PIK3CB: variants seen among roughly 807,000 people sequenced by gnomAD.
The protein encoded by PIK3CB is phosphatidylinositol-4,5-bisphosphate 3-kinase catalytic subunit beta.
PIK3CB carries 39 observed loss-of-function variants against 136.8 expected under a neutral mutation model. That is an observed-to-expected ratio of 0.29 (90% CI 0.22 to 0.37). The LOEUF (loss-of-function observed/expected upper bound fraction) is 0.37. Among genes scored for constraint, PIK3CB ranks in the 10% least tolerant of loss-of-function variants. The pLI is 1.00. For synonymous variants in PIK3CB, 428 were observed against 436.6 expected, an observed-to-expected ratio of 0.98 and a Z score of 0.25; for missense variants, 868 against 1,275.4, an observed-to-expected ratio of 0.68 and a Z score of 4.87.
At chr3:138,663,820 A>C in intron 21 of PIK3CB, 86 bp downstream of exon 21, 1 of 1,352,818 alleles carries the variant, frequency 7.4e-7, no homozygotes, top group Non-Finnish European at 1.0e-6. Context: ...ATCACAAAAG[A>C]ATCTGGCTGA....
chr3:138,730,276 T>A (rs2044942052), intron 8 of PIK3CB, among the ~76,000 whole-genome samples: 1 of 152,104 alleles, frequency 6.6e-6, no homozygotes, highest in Admixed American at 6.5e-5. Context: ...TGGCAAAACA[T>A]ATGGACATAA....
chr3:138,678,373 T>A (rs1053560330), intron 19 of PIK3CB, among the ~76,000 whole-genome samples: 10 of 151,876 alleles, frequency 6.6e-5, no homozygotes, highest in African/African-American at 1.9e-4. Flanking sequence ...CTAAAAAAAA[T>A]TTTTTTAATA....
At chr3:138,794,723 G>A (rs982407359) in intron 2 of PIK3CB, among the ~76,000 whole-genome samples, 3 of 152,158 alleles carry the variant, frequency 2.0e-5, no homozygotes, top group African/African-American at 7.2e-5. Context: ...TGCTAATGAG[G>A]ACAGAGAAGA....
At chr3:138,826,430 A>G in intron 1 of PIK3CB, 1 of 961,494 alleles carries the variant, frequency 1.0e-6, no homozygotes, top group Non-Finnish European at 1.6e-6. Flanking sequence ...ATAGTAAATG[A>G]CTGGTTAATG....
intron 5 of PIK3CB, among the ~76,000 whole-genome samples, chr3:138,740,585 T>C (rs905230584): frequency 2.0e-5 from 3 of 152,126 alleles, no homozygotes; most frequent in Non-Finnish European, 2.9e-5. Context: ...ACCAATGATC[T>C]TATATCCTAA....
chr3:138,745,596 G>A (rs1337280305), intron 4 of PIK3CB, among the ~76,000 whole-genome samples: 1 of 152,094 alleles, frequency 6.6e-6, no homozygotes, highest in African/African-American at 2.4e-5. Flanking sequence ...TCGCACCCCT[G>A]CACTGCAGCC....
chr3:138,684,560 C>CTTAT, intron 17 of PIK3CB, 65 bp downstream of exon 17: 1 of 1,224,930 alleles, frequency 8.2e-7, no homozygotes, highest in Non-Finnish European at 1.1e-6. Flanking sequence ...CTACTACTCC[C>CTTAT]ATAAGGCAGT....
chr3:138,824,086 A>G (rs1322747951), intron 1 of PIK3CB, among the ~76,000 whole-genome samples: 1 of 152,244 alleles, frequency 6.6e-6, no homozygotes, highest in African/African-American at 2.4e-5. Flanking sequence ...TGAAATCAGT[A>G]AATATTATAA....
At position 138,652,833 on chromosome 3, in the gene PIK3CB, G is replaced by A. The variant is rs895550950; in HGVS notation, c.*2556C>T. ...CTGATGCGATAATTACATGTTATAT[G>A]CCTGTATCAAAATATTCCATGTACC... On this transcript the variant is annotated 3_prime_UTR_variant, in exon 24 of 24. Transcript: ENST00000674063. 1 of 219,998 alleles carries A rather than the reference G, an allele frequency of 4.5e-6. No individual in the cohort carries two copies. The highest frequency in any genetic ancestry group is 2.2e-5 in the African/African-American group (1 of 44,596). The allele number at this position is 219,998 out of a possible 1,614,324, so 13.6% of individuals were successfully genotyped here.
intron 1 of PIK3CB, among the ~76,000 whole-genome samples, chr3:138,827,463 C>G (rs1933832036): frequency 6.6e-6 from 1 of 151,950 alleles, no homozygotes; most frequent in Non-Finnish European, 1.5e-5. Flanking sequence ...GAGACCCAGC[C>G]TGGGCAACAT....
chr3:138,809,606 C>CAAAAAAAAA (rs57717750), intron 1 of PIK3CB, among the ~76,000 whole-genome samples: 1 of 113,672 alleles, frequency 8.8e-6, no homozygotes. Context: ...GACTTTGCCT[C>CAAAAAAAAA]AAAAAAAAAA....
chr3:138,814,128 A>G (rs1183949586), intron 1 of PIK3CB, among the ~76,000 whole-genome samples: 1 of 152,142 alleles, frequency 6.6e-6, no homozygotes, highest in Admixed American at 6.6e-5. Flanking sequence ...AACTTGCCCA[A>G]GATCACATGA....
chr3:138,667,832 C>T (rs979992183), intron 19 of PIK3CB, among the ~76,000 whole-genome samples: 4 of 151,772 alleles, frequency 2.6e-5, no homozygotes, highest in South Asian at 2.1e-4. Flanking sequence ...TTTGGGTGGC[C>T]GAGGCAGGTG....
In PIK3CB at chr3:138,753,632, A is replaced by G. The variant is rs190011277; in HGVS notation, c.397+2122T>C. Reference sequence around the variant, plus strand: ...GATCACTTGAGCTTAGGAGTTTGATACCAGCCTGGGCAACATGCTAAAATC... The same window carrying G: ...GATCACTTGAGCTTAGGAGTTTGATGCCAGCCTGGGCAACATGCTAAAATC... On this transcript the variant is annotated intron_variant, in intron 4 of 23. Coordinates refer to ENST00000674063, the MANE Select transcript of PIK3CB (RefSeq NM_006219.3). Among the ~76,000 whole-genome samples the G allele has an allele frequency of 4.1e-3, 618 of 152,040 alleles. 4 individuals are homozygous for G. Among genetic ancestry groups the G allele is most frequent in the Non-Finnish European group, 4.5e-3 (304 of 67,968 alleles).
intron 1 of PIK3CB, among the ~76,000 whole-genome samples, chr3:138,804,799 C>T (rs9854577): frequency 0.34 from 51,299 of 151,554 alleles, 10,209 homozygotes; most frequent in Non-Finnish European, 0.46. Context: ...CCAAGGTGGG[C>T]GGATCACGAG....
chr3:138,794,086 T>C (rs1423698258), intron 2 of PIK3CB, among the ~76,000 whole-genome samples: 2 of 152,068 alleles, frequency 1.3e-5, no homozygotes, highest in African/African-American at 4.8e-5. Context: ...CCTCAGCCTC[T>C]CAAGTAGCTG....
At chr3:138,723,167 A>C (rs1435757509) in intron 8 of PIK3CB, among the ~76,000 whole-genome samples, 3 of 152,184 alleles carry the variant, frequency 2.0e-5, no homozygotes, top group Non-Finnish European at 4.4e-5. Context: ...ATCACATGAA[A>C]TTTTATAAAA....
At chr3:138,779,355 G>A (rs1328953963) in intron 2 of PIK3CB, among the ~76,000 whole-genome samples, 1 of 148,810 alleles carries the variant, frequency 6.7e-6, no homozygotes, top group Non-Finnish European at 1.5e-5. Flanking sequence ...CAAAATGCTG[G>A]GATTACAGGC....
At chr3:138,828,823 T>C (rs1291274418) in intron 1 of PIK3CB, among the ~76,000 whole-genome samples, 1 of 152,152 alleles carries the variant, frequency 6.6e-6, no homozygotes, top group South Asian at 2.1e-4. Flanking sequence ...AGTTTCACTC[T>C]TGTTGCCCAA....
Sources: allele counts gnomAD v4.1 joint callset (sites outside exome capture counted in the v4.1 genomes callset), GRCh38; gene constraint gnomAD v4.1.1; transcripts MANE v1.5; gene names NCBI Gene and HGNC (gene_info 2026-07-23, HGNC 2026-07-21).